ARHGEF38: variants seen among roughly 807,000 people sequenced by gnomAD.
ARHGEF38 encodes the protein Rho guanine nucleotide exchange factor 38, also known as Rho guanine nucleotide exchange factor (GEF) 38.
ARHGEF38 carries 79 observed loss-of-function variants against 79.9 expected under a neutral mutation model. The ratio of observed to expected loss-of-function variants is 0.99; its 90% CI spans 0.82 to 1.19. The LOEUF (loss-of-function observed/expected upper bound fraction) is 1.19. ARHGEF38 is among the 50% of genes most tolerant of loss of function. The pLI is 0.00. For missense variants in ARHGEF38, 962 were observed against 907.2 expected, an observed-to-expected ratio of 1.06 and a Z score of -0.78; for synonymous variants, 366 against 328.3, an observed-to-expected ratio of 1.11 and a Z score of -1.24.
rs1405981178 is a variant in ARHGEF38 at position 105,659,504 on chromosome 4, CAGAT to C, written c.1545+142_1545+145del. On this transcript the variant is annotated intron_variant, in intron 10 of 13. Coordinates refer to ENST00000420470, the MANE Select transcript of ARHGEF38 (RefSeq NM_001242729.2). ...TGTATTTATTTTAACTAAATCCAGT[CAGAT>C]AGTCTCCTGTTCCTTATCTGTCTTA... 1.5e-5 allele frequency: 13 copies of C among 880,938 alleles called. No homozygotes were observed. In the East Asian group the frequency reaches 2.4e-4, roughly 16 times the overall value. 54.6% of individuals were successfully genotyped at this position (880,938 alleles called of 1,614,324 possible).
chr4:105,561,485 GAATAGAATAGAATAGAATA>G (rs1560684697), intron 1 of ARHGEF38: 2 of 139,240 alleles, frequency 1.4e-5, no homozygotes, highest in East Asian at 2.1e-4. Context: ...GAATAGAATA[GAATAGAATAGAATAGAATA>G]GAATAGAATA....
In ARHGEF38 at chr4:105,678,292, T is replaced by C. The variant is rs906892992; in HGVS notation, c.*355T>C. ...ATTTACTTTTTTTTTTACTGTATGA[T>C]GTATTTTGCCTTAAATGTTTTTGTT... On this transcript the variant is annotated 3_prime_UTR_variant, in exon 14 of 14. Transcript: ENST00000420470. The C allele has an allele frequency of 5.8e-6, 1 of 173,890 alleles. No individual in the cohort carries two copies. Among genetic ancestry groups the C allele is most frequent in the African/African-American group, 2.4e-5 (1 of 42,220 alleles). The allele number at this position is 173,890 out of a possible 1,614,324, so 10.8% of individuals were successfully genotyped here.
At chr4:105,590,322 A>T (rs1330955588) in intron 2 of ARHGEF38, among the ~76,000 whole-genome samples, 1 of 152,162 alleles carries the variant, frequency 6.6e-6, no homozygotes, top group African/African-American at 2.4e-5. Flanking sequence ...GTGATAACTC[A>T]TCATTAGGGT....
intron 10 of ARHGEF38, among the ~76,000 whole-genome samples, chr4:105,662,330 G>A (rs985472539): frequency 2.6e-5 from 4 of 151,968 alleles, no homozygotes; most frequent in Admixed American, 1.3e-4. Flanking sequence ...TAAAAATTGA[G>A]ACTACTTTTT....
chr4:105,585,017 T>A (rs1726966214), intron 1 of ARHGEF38, among the ~76,000 whole-genome samples: 1 of 152,182 alleles, frequency 6.6e-6, no homozygotes. Context: ...GCAGCATCCC[T>A]ATTTTTTTTC....
Position 105,680,395 on chromosome 4 carries a change from GTGGGAATACAA to G in ARHGEF38, c.*2461_*2471del. On this transcript the variant is annotated 3_prime_UTR_variant, in exon 14 of 14. Transcript: ENST00000420470. ...ACCAGTAAGTATTTATTGAGAGTTA[GTGGGAATACAA>G]TGCTGTGCAAGACAAACAAGATCCC... 4.6e-6 allele frequency: 1 copy of G among 215,820 alleles called. No individual in the cohort carries two copies. Among genetic ancestry groups the G allele is most frequent in the Non-Finnish European group, 9.3e-6 (1 of 107,076 alleles). 13.4% of individuals were successfully genotyped at this position (215,820 alleles called of 1,614,324 possible).
chr4:105,615,479 GC>G (rs1334867201), intron 3 of ARHGEF38, among the ~76,000 whole-genome samples: 1 of 152,150 alleles, frequency 6.6e-6, no homozygotes, highest in Non-Finnish European at 1.5e-5. Flanking sequence ...GTAGAAGAAA[GC>G]ATAAACAAGT....
At chr4:105,607,412 A>G (rs972339992) in intron 2 of ARHGEF38, among the ~76,000 whole-genome samples, 2 of 152,122 alleles carry the variant, frequency 1.3e-5, no homozygotes, top group Non-Finnish European at 2.9e-5. Context: ...TAAATAGATC[A>G]TGTGCATTGT....
At chr4:105,580,526 T>A (rs1726735842) in intron 1 of ARHGEF38, among the ~76,000 whole-genome samples, 1 of 152,204 alleles carries the variant, frequency 6.6e-6, no homozygotes, top group African/African-American at 2.4e-5. Flanking sequence ...TGTGTGGTTC[T>A]GGGCAATTTT....
intron 3 of ARHGEF38, among the ~76,000 whole-genome samples, chr4:105,625,381 A>G (rs1157533467): frequency 9.2e-5 from 14 of 152,202 alleles, no homozygotes; most frequent in Non-Finnish European, 2.1e-4. Context: ...AGAAACAAAA[A>G]CAAAACATTA....
Position 105,625,456 on chromosome 4 carries a change from G to A in ARHGEF38, c.509-5442G>A, listed in dbSNP as rs190937374. 4.4e-3 allele frequency among the ~76,000 whole-genome samples: 668 copies of A among 152,342 alleles called. 9 individuals are homozygous for A. Among genetic ancestry groups the A allele is most frequent in the African/African-American group, 0.015 (626 of 41,582 alleles). ...AAGTCTGAAGGGGATGTGTTCTAGA[G>A]CTGTACGGCAGCTCTGCTCCACAAG... On this transcript the variant is annotated intron_variant, in intron 3 of 13. Transcript: ENST00000420470.
At chr4:105,670,538 GT>G (rs950835860) in intron 13 of ARHGEF38, among the ~76,000 whole-genome samples, 7 of 150,990 alleles carry the variant, frequency 4.6e-5, no homozygotes, top group Admixed American at 1.3e-4. Context: ...CTGAGTGCAA[GT>G]TTTTTTTTAA....
chr4:105,565,166 A>C (rs1049361050), intron 1 of ARHGEF38, among the ~76,000 whole-genome samples: 1 of 152,344 alleles, frequency 6.6e-6, no homozygotes, highest in South Asian at 2.1e-4. Flanking sequence ...GAAATAAATC[A>C]CATGCCCTTC....
intron 1 of ARHGEF38, 48 bp from the exon 2 acceptor site, chr4:105,589,200 A>C: frequency 6.6e-7 from 1 of 1,506,342 alleles, no homozygotes; most frequent in Non-Finnish European, 8.9e-7. Flanking sequence ...ATGAAGGAAA[A>C]AGAAACCTCA....
At chr4:105,633,046 T>C (rs1560735272) in intron 4 of ARHGEF38, 1 of 152,800 alleles carries the variant, frequency 6.5e-6, no homozygotes, top group Non-Finnish European at 1.5e-5. Flanking sequence ...GCTTATTTGG[T>C]CTTTTTCTGC....
rs187931784 is a variant in ARHGEF38, at chr4:105,573,822, C to T, written c.197-15426C>T. Among the ~76,000 whole-genome samples, 459 of 151,816 alleles carry T rather than the reference C, an allele frequency of 3.0e-3. 5 individuals are homozygous for T. Among genetic ancestry groups the T allele is most frequent in the Non-Finnish European group, 7.8e-4 (53 of 67,920 alleles). On this transcript the variant is annotated intron_variant, in intron 1 of 13. Transcript: ENST00000420470. ...TGTAAATCACTTTGGGTAGTATTGA[C>T]GGCTTAACAATATCAAGTCTTTCCG...
chr4:105,561,708 A>G (rs1725639375), intron 1 of ARHGEF38: 1 of 152,064 alleles, frequency 6.6e-6, no homozygotes, highest in African/African-American at 2.4e-5. Flanking sequence ...TGAATTGTAT[A>G]GACAAAAGAC....
chr4:105,654,430 T>G (rs1730240447), intron 8 of ARHGEF38, among the ~76,000 whole-genome samples: 1 of 152,240 alleles, frequency 6.6e-6, no homozygotes, highest in Non-Finnish European at 1.5e-5. Context: ...GATTGCTTCA[T>G]GGACTATCAG....
intron 3 of ARHGEF38, among the ~76,000 whole-genome samples, chr4:105,616,795 C>T (rs948141472): frequency 2.6e-5 from 4 of 152,078 alleles, no homozygotes; most frequent in Non-Finnish European, 2.9e-5. Context: ...GCTGAAGCAG[C>T]GGCAACATCT....
Sources: gnomAD v4.1 joint callset for allele counts (sites outside exome capture counted in the v4.1 genomes callset) on GRCh38, gnomAD v4.1.1 for gene constraint, MANE v1.5 for transcripts, NCBI Gene and HGNC (gene_info 2026-07-23, HGNC 2026-07-21) for gene names.